The following ESRRG variants were observed in gnomAD, a reference collection of about 807,000 sequenced individuals.
ESRRG encodes estrogen related receptor gamma, also known as estrogen-related receptor gamma.
A neutral mutation model predicts 44.0 loss-of-function variants in ESRRG; 13 were observed. The observed-to-expected ratio is 0.30, with a 90% CI of 0.19 to 0.47. The LOEUF (loss-of-function observed/expected upper bound fraction) is 0.47, where lower values mean the gene tolerates loss of function less well. Ranked by LOEUF, ESRRG falls within the 20% of genes least tolerant of loss-of-function variation. ESRRG has a pLI of 1.00. For synonymous variants in ESRRG, 215 were observed against 214.6 expected (o/e 1.00, Z -0.02); for missense variants, 395 against 580.6 (o/e 0.68, Z 3.29).
chr1:216,587,010 A>G (rs750054961), intron 3 of ESRRG, among the ~76,000 whole-genome samples: 29 of 152,252 alleles, frequency 1.9e-4, no homozygotes, highest in Admixed American at 9.2e-4. Context: ...AATAAATAAT[A>G]TCACATTACT....
chr1:217,123,058 A>G (rs1245007166), intron 1 of ESRRG, among the ~76,000 whole-genome samples: 1 of 152,084 alleles, frequency 6.6e-6, no homozygotes, highest in Non-Finnish European at 1.5e-5. Context: ...GAGAGCAACT[A>G]TTTGATCCCA....
intron 1 of ESRRG, among the ~76,000 whole-genome samples, chr1:217,001,676 C>T (rs1277496494): frequency 6.6e-6 from 1 of 151,984 alleles, no homozygotes; most frequent in East Asian, 1.9e-4. Flanking sequence ...AGCAAAGAGG[C>T]CAAGGTGGCT....
chr1:216,647,981 G>A (rs780641865), intron 3 of ESRRG, among the ~76,000 whole-genome samples: 6 of 152,168 alleles, frequency 3.9e-5, no homozygotes, highest in Admixed American at 2.0e-4. Flanking sequence ...CAGCCTGTAT[G>A]GACTGCTGTG....
At chr1:216,519,020 A>G in intron 6 of ESRRG, 132 bp downstream of exon 6, 4 of 701,198 alleles carry the variant, frequency 5.7e-6, no homozygotes, top group Non-Finnish European at 9.7e-6. Context: ...CTAGAAAGCT[A>G]TACTGATTAT....
intron 1 of ESRRG, among the ~76,000 whole-genome samples, chr1:216,957,562 C>T (rs1280196616): frequency 3.3e-5 from 5 of 152,128 alleles, no homozygotes; most frequent in African/African-American, 1.2e-4. Flanking sequence ...TTCTCTAACA[C>T]CATCCATGCA....
chr1:216,862,086 T>A (rs1049458678), intron 2 of ESRRG: 1 of 152,178 alleles, frequency 6.6e-6, no homozygotes, highest in South Asian at 2.1e-4. Flanking sequence ...TTGCTGAGAG[T>A]GTAAAGTGAT....
chr1:216,725,155 C>A (rs190082736), upstream of ESRRG, among the ~76,000 whole-genome samples: 4 of 152,202 alleles, frequency 2.6e-5, no homozygotes, highest in East Asian at 7.7e-4. Flanking sequence ...CAGAAGAAAG[C>A]AATTTCACTG....
intron 6 of ESRRG, among the ~76,000 whole-genome samples, chr1:216,511,863 T>A (rs1196655051): frequency 1.3e-5 from 2 of 150,702 alleles, no homozygotes; most frequent in East Asian, 3.8e-4. Context: ...AGGATTATAA[T>A]TGCAACTGAT....
At chr1:216,831,064 A>T (rs962573703) in intron 2 of ESRRG, among the ~76,000 whole-genome samples, 3 of 151,514 alleles carry the variant, frequency 2.0e-5, no homozygotes, top group African/African-American at 4.9e-5. Context: ...TGTTTGAGTG[A>T]TTTTCCACTG....
intron 1 of ESRRG, among the ~76,000 whole-genome samples, chr1:217,132,780 G>T (rs952722888): frequency 1.3e-5 from 2 of 152,070 alleles, no homozygotes; most frequent in African/African-American, 4.8e-5. Context: ...GGGGGTTACA[G>T]GTCACAGATC....
intron 1 of ESRRG, among the ~76,000 whole-genome samples, chr1:217,081,118 A>C (rs1426357278): frequency 6.6e-6 from 1 of 151,848 alleles, no homozygotes; most frequent in Non-Finnish European, 1.5e-5. Context: ...AAATTTCTTA[A>C]ATAATTATTG....
At chr1:216,516,283 T>C (rs1219312116) in intron 6 of ESRRG, among the ~76,000 whole-genome samples, 2 of 152,090 alleles carry the variant, frequency 1.3e-5, no homozygotes, top group Non-Finnish European at 2.9e-5. Flanking sequence ...ATTATAACAG[T>C]TCATGACATA....
At chr1:216,969,014 G>A (rs1366156449) in intron 1 of ESRRG, among the ~76,000 whole-genome samples, 1 of 151,978 alleles carries the variant, frequency 6.6e-6, no homozygotes, top group Non-Finnish European at 1.5e-5. Flanking sequence ...TTTCTTCTTT[G>A]CTTCCACTCT....
chr1:216,899,273 A>G (rs148010781), intron 2 of ESRRG, among the ~76,000 whole-genome samples: 234 of 152,318 alleles, frequency 1.5e-3, no homozygotes, highest in African/African-American at 5.3e-3. Flanking sequence ...CTTGGAATTT[A>G]GTCTTTGAAT....
chr1:217,114,618 T>TC (rs1404651942), intron 1 of ESRRG, among the ~76,000 whole-genome samples: 1 of 151,840 alleles, frequency 6.6e-6, no homozygotes, highest in Non-Finnish European at 1.5e-5. Flanking sequence ...ATTTTTACTG[T>TC]CCTGAATGGG....
intron 2 of ESRRG, among the ~76,000 whole-genome samples, chr1:216,793,523 C>T (rs1238413189): frequency 6.6e-6 from 1 of 152,080 alleles, no homozygotes; most frequent in Non-Finnish European, 1.5e-5. Flanking sequence ...CATGAGGGAG[C>T]CTGGAAGTGG....
chr1:216,607,791 A>G (rs1307663217), intron 3 of ESRRG, among the ~76,000 whole-genome samples: 1 of 152,260 alleles, frequency 6.6e-6, no homozygotes, highest in Non-Finnish European at 1.5e-5. Context: ...CCTGAATATC[A>G]TAATCCTTGC....
chr1:216,662,991 T>C (rs1289762080), intron 2 of ESRRG, among the ~76,000 whole-genome samples: 2 of 152,214 alleles, frequency 1.3e-5, no homozygotes, highest in African/African-American at 4.8e-5. Context: ...CAGTCTATTA[T>C]CCATTATTTC....
At chr1:216,923,103 A>G (rs1054292235) in intron 2 of ESRRG, among the ~76,000 whole-genome samples, 10 of 152,194 alleles carry the variant, frequency 6.6e-5, no homozygotes, top group African/African-American at 2.4e-4. Context: ...CAAAAAGCAG[A>G]TTATATTTAT....
Sources: gnomAD v4.1 joint callset for allele counts (sites outside exome capture counted in the v4.1 genomes callset) on GRCh38, gnomAD v4.1.1 for gene constraint, MANE v1.5 for transcripts, NCBI Gene and HGNC (gene_info 2026-07-23, HGNC 2026-07-21) for gene names.